IL1R1: variants seen among roughly 807,000 people sequenced by gnomAD.
IL1R1 encodes the protein interleukin-1 receptor type 1.
A neutral mutation model predicts 50.2 loss-of-function variants in IL1R1; 22 were observed. That is an observed-to-expected ratio of 0.44 (90% CI 0.31 to 0.63). IL1R1 has a LOEUF of 0.63. Among genes scored for constraint, IL1R1 ranks in the 20% least tolerant of loss-of-function variants. The pLI is 0.07. For missense variants in IL1R1, 509 were observed against 676.2 expected (o/e 0.75, Z 2.74); for synonymous variants, 251 against 236.7 (o/e 1.06, Z -0.55).
At position 102,142,912 on chromosome 2, in the gene IL1R1, C is replaced by T. The variant is rs1682789547; in HGVS notation, c.-192C>T. 6.6e-6 allele frequency: 1 copy of T among 151,646 alleles called. No individual in the cohort carries two copies. The highest frequency in any genetic ancestry group is 2.4e-5 in the African/African-American group (1 of 41,368). 9.4% of individuals were successfully genotyped at this position (151,646 alleles called of 1,614,324 possible). ...GGCAGGAATGTGACAATCGCGCGCC[C>T]GCGCACCGAAGCACTCCTCGCTCGG... On this transcript the variant is annotated 5_prime_UTR_variant, in exon 1 of 12. Coordinates refer to ENST00000410023, the MANE Select transcript of IL1R1 (RefSeq NM_000877.4).
At chr2:102,096,141 T>C (rs990799830) in intron 1 of IL1R1, among the ~76,000 whole-genome samples, 1 of 152,250 alleles carries the variant, frequency 6.6e-6, no homozygotes, top group Non-Finnish European at 1.5e-5. Context: ...CGTGTAAATA[T>C]ACTGTAATTG....
rs200810444 is a variant in IL1R1 at position 102,177,899 on chromosome 2, T to A, written c.*1140T>A. On this transcript the variant is annotated 3_prime_UTR_variant, in exon 12 of 12. Transcript: ENST00000410023. ...CGCTCTTCTGTCATCCCGCTCCTGC[T>A]GAAACACCTCCCAGGGGCTCCACCT... The A allele has an allele frequency of 6.5e-6, 1 of 152,910 alleles. No individual in the cohort carries two copies. Among genetic ancestry groups the A allele is most frequent in the Non-Finnish European group, 1.5e-5 (1 of 68,486 alleles). The allele number at this position is 152,910 out of a possible 1,614,324, so 9.5% of individuals were successfully genotyped here. A position where few individuals can be genotyped will look rare whatever the true frequency, so the allele number is the denominator to read the frequency against.
Position 102,168,610 on chromosome 2 carries a change from C to T in IL1R1, c.668C>T (p.Pro223Leu), listed in dbSNP as rs1173850729. 1 of 1,613,660 alleles carries T rather than the reference C, an allele frequency of 6.2e-7. No homozygotes were observed. The highest frequency in any genetic ancestry group is 1.1e-5 in the South Asian group (1 of 91,074). Reference sequence around the variant, plus strand: ...GTTTTTCTTTCAGAGGAAAACAAACCCACAAGGCCTGTGATTGTGAGCCCA... The same window carrying T: ...GTTTTTCTTTCAGAGGAAAACAAACTCACAAGGCCTGTGATTGTGAGCCCA... ...IEFITLEENK[P>L]TRPVIVSPAN... Residue 223 changes from proline (P) to leucine (L), a missense_variant, in exon 7 of 12, where the codon CCC becomes CTC. Physicochemically the swap from Pro to Leu is moderately conservative, Grantham distance 98. Coordinates refer to ENST00000410023, the MANE Select transcript of IL1R1 (RefSeq NM_000877.4).
upstream of IL1R1, among the ~76,000 whole-genome samples, chr2:102,102,519 C>T (rs1680185332): frequency 6.6e-6 from 1 of 151,992 alleles, no homozygotes; most frequent in Non-Finnish European, 1.5e-5. Context: ...GAGATGCCAA[C>T]AAGGTTGCAG....
intron 1 of IL1R1, among the ~76,000 whole-genome samples, chr2:102,075,595 AC>A (rs1230511512): frequency 1.3e-5 from 2 of 152,174 alleles, no homozygotes; most frequent in Admixed American, 1.3e-4. Flanking sequence ...TGATCTCAGA[AC>A]CCCATTGCAT....
At chr2:102,160,768 G>A (rs1684646890) in intron 3 of IL1R1, among the ~76,000 whole-genome samples, 1 of 152,136 alleles carries the variant, frequency 6.6e-6, no homozygotes, top group South Asian at 2.1e-4. Context: ...CTTTCCCATG[G>A]GAACCCCAGT....
rs553570508 is a variant in IL1R1, at chr2:102,092,599, A to C, written c.-84+22066A>C. Among the ~76,000 whole-genome samples the C allele has an allele frequency of 2.2e-4, 33 of 152,296 alleles. No homozygotes were observed. In the South Asian group the frequency reaches 6.6e-3, roughly 31 times the overall value. ...CATTTCCTCATTAATGAGCTAAATAACACTCGGGCCTGTTCTAAACGTAAC... is the reference window on the plus strand; with the variant it reads ...CATTTCCTCATTAATGAGCTAAATACCACTCGGGCCTGTTCTAAACGTAAC... On this transcript the variant is annotated intron_variant, in intron 1 of 11. Transcript: ENST00000409929.
At chr2:102,081,654 T>C (rs970282745) in intron 1 of IL1R1, among the ~76,000 whole-genome samples, 1 of 152,232 alleles carries the variant, frequency 6.6e-6, no homozygotes, top group African/African-American at 2.4e-5. Flanking sequence ...GCCCCCACCC[T>C]GTTTAGAAGG....
Position 102,176,677 on chromosome 2 carries a change from G to A in IL1R1, c.1628G>A (p.Arg543Gln), listed in dbSNP as rs749524190. 41 of 1,614,026 alleles carry A rather than the reference G, an allele frequency of 2.5e-5. No homozygotes were observed. The highest frequency in any genetic ancestry group is 9.9e-5 in the South Asian group (9 of 91,084). ...AGGTACCACATGCCAGTCCAGCGAC[G>A]GTCACCTTCATCTAAACACCAGTTA... ...NVRYHMPVQR[R>Q]SPSSKHQLLS... Residue 543 changes from arginine (R) to glutamine (Q), a missense_variant, in exon 12 of 12, where the codon CGG becomes CAG. By Grantham distance (43) the Arg-to-Gln change is conservative (BLOSUM62 1). Transcript: ENST00000410023.
At chr2:102,102,249 C>A (rs574852426), upstream of IL1R1, among the ~76,000 whole-genome samples, 11 of 152,142 alleles carry the variant, frequency 7.2e-5, no homozygotes, top group Non-Finnish European at 1.6e-4. Flanking sequence ...TTGCACTGTT[C>A]CTGAGTAGAT....
intron 2 of IL1R1, among the ~76,000 whole-genome samples, chr2:102,154,292 T>A (rs1183448668): frequency 6.6e-6 from 1 of 152,206 alleles, no homozygotes; most frequent in African/African-American, 2.4e-5. Context: ...GTTCCAGTGC[T>A]GTGGCCAAGC....
chr2:102,103,724 G>A (rs1248181890), upstream of IL1R1, among the ~76,000 whole-genome samples: 2 of 152,146 alleles, frequency 1.3e-5, no homozygotes, highest in Non-Finnish European at 2.9e-5. Context: ...GCCAGGTGCG[G>A]TGGCTCATGC....
At chr2:102,127,232 C>G (rs564023615) in intron 1 of IL1R1, among the ~76,000 whole-genome samples, 1 of 152,216 alleles carries the variant, frequency 6.6e-6, no homozygotes, top group South Asian at 2.1e-4. Context: ...GACAGGTTGT[C>G]CTAAAATTAA....
At chr2:102,171,953 T>A in intron 8 of IL1R1, 35 bp downstream of exon 8, 2 of 1,084,672 alleles carry the variant, frequency 1.8e-6, no homozygotes, top group Non-Finnish European at 2.7e-6. Context: ...ATTTTGGTGT[T>A]AAATCCCACG....
At chr2:102,098,134 T>C (rs941816576) in intron 1 of IL1R1, among the ~76,000 whole-genome samples, 4 of 152,110 alleles carry the variant, frequency 2.6e-5, no homozygotes, top group African/African-American at 4.8e-5. Context: ...ATTAATATTA[T>C]ATATCATATA....
chr2:102,117,370 G>A (rs914494709), intron 1 of IL1R1, among the ~76,000 whole-genome samples: 2 of 152,176 alleles, frequency 1.3e-5, no homozygotes, highest in African/African-American at 4.8e-5. Context: ...AAAGAGCAGG[G>A]TGAGAGGTCA....
chr2:102,173,607 T>G (rs1280800705), intron 9 of IL1R1, among the ~76,000 whole-genome samples: 2 of 152,218 alleles, frequency 1.3e-5, no homozygotes, highest in African/African-American at 4.8e-5. Context: ...AAGAACTAAA[T>G]GGAAGGATAT....
At chr2:102,172,539 C>T in intron 8 of IL1R1, 148 bp from the exon 9 acceptor site, 1 of 1,071,244 alleles carries the variant, frequency 9.3e-7, no homozygotes, top group Non-Finnish European at 1.3e-6. Context: ...GTGTTGCCAG[C>T]AGTCTGAATG....
rs1478916082 is a variant in IL1R1 at position 102,099,310 on chromosome 2, G to A, written c.-84+28777G>A. ...AGAGGGCCTAGAAGAGATGGTAGAA[G>A]CAGTTTCCATTGGATGTTCGTACCC... On this transcript the variant is annotated intron_variant, in intron 1 of 11. Coordinates refer to the IL1R1 transcript ENST00000409929. Among the ~76,000 whole-genome samples the A allele has an allele frequency of 2.6e-5, 4 of 152,162 alleles. No homozygotes were observed. The South Asian group carries it at 6.2e-4, about 24-fold the overall frequency.
Sources: gnomAD v4.1 joint callset for allele counts (sites outside exome capture counted in the v4.1 genomes callset) on GRCh38, gnomAD v4.1.1 for gene constraint, MANE v1.5 for transcripts, NCBI Gene and HGNC (gene_info 2026-07-23, HGNC 2026-07-21) for gene names.